The following ELAVL2 variants were observed in gnomAD, a reference collection of about 807,000 sequenced individuals.
ELAVL2 encodes ELAV like RNA binding protein 2, also known as ELAV-like protein 2.
Under a neutral mutation model 34.6 loss-of-function variants are expected in ELAVL2, and 4 were observed. The ratio of observed to expected loss-of-function variants is 0.12; its 90% CI spans 0.06 to 0.26. The LOEUF (loss-of-function observed/expected upper bound fraction) is 0.26, where lower values mean the gene tolerates loss of function less well. ELAVL2 is among the 10% of genes least tolerant of loss of function. ELAVL2 has a pLI of 1.00. For synonymous variants in ELAVL2, 193 were observed against 154.8 expected (o/e 1.25, Z -1.83); for missense variants, 432 against 442.8 (o/e 0.98, Z 0.22).
At chr9:23,752,045 A>G (rs551775481) in intron 2 of ELAVL2, among the ~76,000 whole-genome samples, 2 of 152,292 alleles carry the variant, frequency 1.3e-5, no homozygotes, top group African/African-American at 4.8e-5. Flanking sequence ...AACTCCAAGA[A>G]ATCTAGGACA....
chr9:23,758,213 C>A (rs1011714431), intron 2 of ELAVL2, among the ~76,000 whole-genome samples: 2 of 152,070 alleles, frequency 1.3e-5, no homozygotes, highest in Non-Finnish European at 2.9e-5. Context: ...ATGCTACACA[C>A]CACAGGACAG....
At chr9:23,733,188 A>C (rs568276985) in intron 2 of ELAVL2, among the ~76,000 whole-genome samples, 2 of 151,354 alleles carry the variant, frequency 1.3e-5, no homozygotes, top group African/African-American at 2.4e-5. Context: ...AAAAAAAAAA[A>C]AAAACTAAAA....
chr9:23,743,668 C>T (rs1442700877), intron 2 of ELAVL2, among the ~76,000 whole-genome samples: 1 of 152,094 alleles, frequency 6.6e-6, no homozygotes, highest in African/African-American at 2.4e-5. Flanking sequence ...CAGGAAAAAC[C>T]TAAACACAAA....
intron 2 of ELAVL2, among the ~76,000 whole-genome samples, chr9:23,732,329 C>T (rs2046781027): frequency 6.6e-6 from 1 of 152,058 alleles, no homozygotes; most frequent in African/African-American, 2.4e-5. Flanking sequence ...ATACAGTGCC[C>T]AATATGAAAA....
At chr9:23,839,076 G>T in the ELAVL2 span, among the ~76,000 whole-genome samples, 1 of 152,004 alleles carries the variant, frequency 6.6e-6, no homozygotes. Context: ...CCATGACCAA[G>T]AATCTAACAA....
At chr9:23,703,396 G>A (rs1334336312) in intron 4 of ELAVL2, among the ~76,000 whole-genome samples, 1 of 152,148 alleles carries the variant, frequency 6.6e-6, no homozygotes, top group African/African-American at 2.4e-5. Flanking sequence ...ACAACACAGG[G>A]TGGCAATGTA....
intron 1 of ELAVL2, among the ~76,000 whole-genome samples, chr9:23,777,949 A>G (rs2058485622): frequency 7.2e-6 from 1 of 138,546 alleles, no homozygotes; most frequent in African/African-American, 2.8e-5. Context: ...TCTAATAAAC[A>G]TGGCCAACAT....
the ELAVL2 span, among the ~76,000 whole-genome samples, chr9:23,836,368 G>A: frequency 8.5e-5 from 13 of 152,216 alleles, no homozygotes; most frequent in East Asian, 2.5e-3. Context: ...ATTTTTTCCT[G>A]TAGATGATAT....
At chr9:23,793,606 C>T (rs890411590) in intron 1 of ELAVL2, among the ~76,000 whole-genome samples, 3 of 152,178 alleles carry the variant, frequency 2.0e-5, no homozygotes, top group Admixed American at 2.0e-4. Context: ...AACATCATAA[C>T]AAGCCTCTTC....
At chr9:23,839,739 G>A in the ELAVL2 span, among the ~76,000 whole-genome samples, 2 of 152,090 alleles carry the variant, frequency 1.3e-5, no homozygotes, top group Non-Finnish European at 2.9e-5. Context: ...AGCTCCTTGA[G>A]TTTCTGAATT....
chr9:23,786,844 C>G (rs1467555036), intron 1 of ELAVL2, among the ~76,000 whole-genome samples: 2 of 148,966 alleles, frequency 1.3e-5, no homozygotes, highest in East Asian at 2.0e-4. Flanking sequence ...ATCTAAGCCA[C>G]TGGAATTTTA....
At chr9:23,803,730 C>T (rs1007548677) in intron 1 of ELAVL2, among the ~76,000 whole-genome samples, 1 of 147,518 alleles carries the variant, frequency 6.8e-6, no homozygotes, top group African/African-American at 2.5e-5. Context: ...TCCTCTTCTC[C>T]TGGGGGGTTG....
intron 2 of ELAVL2, among the ~76,000 whole-genome samples, chr9:23,742,352 C>T (rs917789999): frequency 2.6e-5 from 4 of 152,194 alleles, no homozygotes; most frequent in Non-Finnish European, 5.9e-5. Context: ...GGAAAAACTA[C>T]TGCAAGTGTT....
intron 2 of ELAVL2, among the ~76,000 whole-genome samples, chr9:23,750,117 G>C (rs2051543753): frequency 6.6e-6 from 1 of 151,730 alleles, no homozygotes; most frequent in Non-Finnish European, 1.5e-5. Flanking sequence ...TACTTTGATG[G>C]CTATATCCAA....
At chr9:23,824,715 G>C (rs374019722) in intron 1 of ELAVL2, among the ~76,000 whole-genome samples, 8 of 152,148 alleles carry the variant, frequency 5.3e-5, no homozygotes, top group Admixed American at 2.0e-4. Flanking sequence ...GCAGTAGAAA[G>C]CCAAATGATT....
At chr9:23,768,070 T>C (rs1313385315) in intron 1 of ELAVL2, among the ~76,000 whole-genome samples, 1 of 152,120 alleles carries the variant, frequency 6.6e-6, no homozygotes, top group Non-Finnish European at 1.5e-5. Context: ...TCTCTCCTCA[T>C]CCTAATCTAC....
chr9:23,780,790 A>G (rs1729947297), intron 1 of ELAVL2, among the ~76,000 whole-genome samples: 1 of 152,220 alleles, frequency 6.6e-6, no homozygotes, highest in Non-Finnish European at 1.5e-5. Context: ...GAGTTAAGAC[A>G]TGGCCAGGTA....
chr9:23,790,316 T>C (rs1201961751), intron 1 of ELAVL2, among the ~76,000 whole-genome samples: 1 of 152,204 alleles, frequency 6.6e-6, no homozygotes, highest in Non-Finnish European at 1.5e-5. Flanking sequence ...GGAGAGTAGA[T>C]ATTCTAACCA....
At chr9:23,711,941 C>G (rs965179890) in intron 3 of ELAVL2, among the ~76,000 whole-genome samples, 2 of 152,092 alleles carry the variant, frequency 1.3e-5, no homozygotes, top group South Asian at 2.1e-4. Flanking sequence ...CAACATTATA[C>G]GCATTGGTAC....
Sources: allele counts gnomAD v4.1 joint callset (sites outside exome capture counted in the v4.1 genomes callset), GRCh38; gene constraint gnomAD v4.1.1; transcripts MANE v1.5; gene names NCBI Gene and HGNC (gene_info 2026-07-23, HGNC 2026-07-21).